VPS13B: variants seen among roughly 807,000 people sequenced by gnomAD.
VPS13B encodes the protein intermembrane lipid transfer protein VPS13B.
Under a neutral mutation model 426.4 loss-of-function variants are expected in VPS13B, and 285 were observed. The observed-to-expected ratio is 0.67, with a 90% CI of 0.61 to 0.74. VPS13B has a LOEUF of 0.74. Ranked by LOEUF, VPS13B falls within the 30% of genes least tolerant of loss-of-function variation. VPS13B has a pLI of 0.00. For missense variants in VPS13B, 4,537 were observed against 4,782.6 expected (o/e 0.95, Z 1.51); for synonymous variants, 1,676 against 1,676.4 (o/e 1.00, Z 0.01).
chr8:99,714,756 A>C (rs1426476341), intron 36 of VPS13B, among the ~76,000 whole-genome samples: 1 of 152,208 alleles, frequency 6.6e-6, no homozygotes, highest in Non-Finnish European at 1.5e-5. Context: ...GACACGTTGC[A>C]GAATGATTGT....
chr8:99,233,300 G>A, intron 17 of VPS13B: 2 of 1,123,472 alleles, frequency 1.8e-6, no homozygotes, highest in South Asian at 2.5e-5. Context: ...GTGGAAGAGA[G>A]CACTCTGATA....
At chr8:99,528,694 G>A (rs1015587974) in intron 30 of VPS13B, among the ~76,000 whole-genome samples, 14 of 151,896 alleles carry the variant, frequency 9.2e-5, no homozygotes, top group African/African-American at 2.4e-4. Flanking sequence ...TCTATCTTCC[G>A]AAAATTACTG....
At chr8:99,345,251 G>A (rs995739473) in intron 19 of VPS13B, among the ~76,000 whole-genome samples, 1 of 151,946 alleles carries the variant, frequency 6.6e-6, no homozygotes, top group Non-Finnish European at 1.5e-5. Context: ...TTTTTATACC[G>A]ATGTCTTAAT....
At chr8:99,062,385 A>C (rs1844237839) in intron 3 of VPS13B, among the ~76,000 whole-genome samples, 1 of 152,232 alleles carries the variant, frequency 6.6e-6, no homozygotes, top group Non-Finnish European at 1.5e-5. Context: ...AAAACACAAT[A>C]AATTATCATT....
intron 15 of VPS13B, among the ~76,000 whole-genome samples, chr8:99,158,237 C>T (rs1811461578): frequency 6.6e-6 from 1 of 152,092 alleles, no homozygotes; most frequent in African/African-American, 2.4e-5. Context: ...TGCCTTGCTT[C>T]AAAACTTCAA....
At chr8:99,676,285 C>T (rs1830929697) in intron 35 of VPS13B, among the ~76,000 whole-genome samples, 3 of 152,106 alleles carry the variant, frequency 2.0e-5, no homozygotes, top group Admixed American at 2.0e-4. Context: ...ATACTCAAAG[C>T]CCATGGCCAT....
rs141314412 is a variant in VPS13B at position 99,250,162 on chromosome 8, G to A, written c.2516-24036G>A. ...TTTTTAATATGTTTATTTGCTATCA[G>A]TGTATCCCCTCAGTGAAATGCTTGT... is the stretch of plus-strand genomic sequence containing the variant. On this transcript the variant is annotated intron_variant, in intron 17 of 61. Coordinates refer to ENST00000357162, the MANE Select transcript of VPS13B (RefSeq NM_152564.5). Among the ~76,000 whole-genome samples the A allele has an allele frequency of 6.3e-3, 958 of 152,212 alleles. 8 individuals are homozygous for A. Among genetic ancestry groups the A allele is most frequent in the African/African-American group, 0.022 (900 of 41,516 alleles).
intron 44 of VPS13B, among the ~76,000 whole-genome samples, chr8:99,814,493 C>T (rs1401510782): frequency 6.6e-6 from 1 of 152,212 alleles, no homozygotes; most frequent in East Asian, 1.9e-4. Context: ...CTGATAACAG[C>T]TTCTGTGACA....
chr8:99,727,924 A>T (rs917012154), intron 39 of VPS13B, among the ~76,000 whole-genome samples: 3 of 152,222 alleles, frequency 2.0e-5, no homozygotes, highest in Non-Finnish European at 4.4e-5. Flanking sequence ...CTTTATGGAA[A>T]TGAATGTAGC....
chr8:99,602,209 T>C (rs1408652776), intron 33 of VPS13B, among the ~76,000 whole-genome samples: 2 of 152,228 alleles, frequency 1.3e-5, no homozygotes, highest in Non-Finnish European at 2.9e-5. Flanking sequence ...TTCAGTTTTC[T>C]GCATGTGGCT....
rs1444762676 is a variant in VPS13B at position 99,205,354 on chromosome 8, T to C, written c.2515+12297T>C. 4.6e-5 allele frequency among the ~76,000 whole-genome samples: 7 copies of C among 151,754 alleles called. No homozygotes were observed. In the East Asian group the frequency reaches 1.4e-3, roughly 29 times the overall value. On this transcript the variant is annotated intron_variant, in intron 17 of 61. Transcript: ENST00000357162. The stretch of plus-strand genomic sequence containing the variant: ...GAACATCACACACTGGGGCCTGTTG[T>C]GGGGTAGGGGGATAGGGGAGGGATA...
chr8:99,544,597 G>A (rs867901710), intron 30 of VPS13B, among the ~76,000 whole-genome samples: 9 of 151,978 alleles, frequency 5.9e-5, no homozygotes, highest in African/African-American at 2.2e-4. Flanking sequence ...ATTGAATTGT[G>A]GAAAGAATTC....
At chr8:99,158,343 C>T (rs2132628832) in intron 15 of VPS13B, among the ~76,000 whole-genome samples, 1 of 152,132 alleles carries the variant, frequency 6.6e-6, no homozygotes, top group South Asian at 2.1e-4. Context: ...CCAGCCTGGC[C>T]AACATGGTGA....
chr8:99,503,059 A>G, intron 27 of VPS13B, 109 bp downstream of exon 27: 1 of 773,492 alleles, frequency 1.3e-6, no homozygotes, highest in East Asian at 2.6e-5. Flanking sequence ...AATACTATAC[A>G]GGCATACCTC....
At chr8:99,341,570 TC>T in intron 19 of VPS13B, 1 of 163,820 alleles carries the variant, frequency 6.1e-6, no homozygotes, top group East Asian at 1.8e-4. Context: ...ACTTCCTTCT[TC>T]CTGTGCTTCT....
At chr8:99,013,485 G>A (rs2132124198) in intron 1 of VPS13B, 138 bp downstream of exon 1, 2 of 403,400 alleles carry the variant, frequency 5.0e-6, no homozygotes, top group South Asian at 2.2e-5. Flanking sequence ...GGGCTACTGC[G>A]GCCGAAGGGG....
At chr8:99,647,080 A>T (rs1440174661) in intron 34 of VPS13B, among the ~76,000 whole-genome samples, 4 of 152,054 alleles carry the variant, frequency 2.6e-5, no homozygotes, top group Admixed American at 6.6e-5. Context: ...GTTGTTATAG[A>T]GATATTGGCT....
intron 30 of VPS13B, among the ~76,000 whole-genome samples, chr8:99,532,467 G>C (rs943584754): frequency 6.9e-4 from 105 of 152,216 alleles, no homozygotes; most frequent in African/African-American, 2.4e-3. Flanking sequence ...TTTAATCCAT[G>C]AAATTTTACC....
chr8:99,275,460 T>G (rs1486287163), intron 19 of VPS13B, among the ~76,000 whole-genome samples: 1 of 152,092 alleles, frequency 6.6e-6, no homozygotes, highest in East Asian at 1.9e-4. Context: ...ATGATTTTAT[T>G]TATATGAGAG....
Sources: allele counts gnomAD v4.1 joint callset (sites outside exome capture counted in the v4.1 genomes callset), GRCh38; gene constraint gnomAD v4.1.1; transcripts MANE v1.5; gene names NCBI Gene and HGNC (gene_info 2026-07-23, HGNC 2026-07-21).